Variants in GRM8 observed in about 807,000 individuals in gnomAD.
GRM8 encodes glutamate metabotropic receptor 8.
GRM8 carries 47 observed loss-of-function variants against 87.2 expected under a neutral mutation model. That is an observed-to-expected ratio of 0.54 (90% CI 0.43 to 0.69). The LOEUF is 0.69. Among genes scored for constraint, GRM8 ranks in the 30% least tolerant of loss-of-function variants. The probability of loss-of-function intolerance (pLI) is 0.00; values close to 1 mark genes in which losing one functional copy is unlikely to be tolerated. For synonymous variants in GRM8, 396 were observed against 404.5 expected (o/e 0.98, Z 0.25); for missense variants, 1,019 against 1,139.2 (o/e 0.89, Z 1.52).
At chr7:127,090,654 T>C (rs1181062438) in intron 3 of GRM8, among the ~76,000 whole-genome samples, 1 of 152,196 alleles carries the variant, frequency 6.6e-6, no homozygotes, top group Admixed American at 6.5e-5. Context: ...GTTTCCCAAC[T>C]GAAACCTGTC....
chr7:127,046,821 T>C (rs1307051631), intron 3 of GRM8, among the ~76,000 whole-genome samples: 1 of 152,196 alleles, frequency 6.6e-6, no homozygotes, highest in Admixed American at 6.5e-5. Context: ...AACAATATCA[T>C]GATAAATGGA....
intron 3 of GRM8, among the ~76,000 whole-genome samples, chr7:127,048,721 A>T (rs1369593290): frequency 2.0e-5 from 3 of 152,210 alleles, no homozygotes; most frequent in African/African-American, 7.2e-5. Context: ...TTGGTATCTG[A>T]AGTTAGACTA....
intron 3 of GRM8, among the ~76,000 whole-genome samples, chr7:127,105,136 T>C (rs1028846658): frequency 6.6e-6 from 1 of 152,228 alleles, no homozygotes; most frequent in African/African-American, 2.4e-5. Context: ...TGTTTTCATT[T>C]GAGTGGGCAT....
At chr7:126,806,369 G>C (rs954877694) in intron 6 of GRM8, among the ~76,000 whole-genome samples, 1 of 152,216 alleles carries the variant, frequency 6.6e-6, no homozygotes. Context: ...AAGCTGGCAC[G>C]GACACAGAGT....
At chr7:127,222,584 C>T (rs1269486468) in intron 2 of GRM8, among the ~76,000 whole-genome samples, 1 of 152,180 alleles carries the variant, frequency 6.6e-6, no homozygotes, top group Non-Finnish European at 1.5e-5. Flanking sequence ...CATAAAACAG[C>T]ATCCTAGAAA....
At position 127,224,987 on chromosome 7, in the gene GRM8, G is replaced by A. The variant is rs565419315; in HGVS notation, c.510+17708C>T. The stretch of plus-strand genomic sequence containing the variant: ...TAGTAGGCAATGATAAATCATGTAT[G>A]TCTACATGTTTAAAAAGCCATGTCA... On this transcript the variant is annotated intron_variant, in intron 2 of 10. Transcript: ENST00000339582. 9.6e-4 allele frequency among the ~76,000 whole-genome samples: 146 copies of A among 152,254 alleles called. 1 individual carries two copies. Among genetic ancestry groups the A allele is most frequent in the Middle Eastern group, 6.8e-3 (2 of 294 alleles).
chr7:127,123,579 T>C (rs1326731980), intron 2 of GRM8, among the ~76,000 whole-genome samples: 1 of 152,130 alleles, frequency 6.6e-6, no homozygotes, highest in African/African-American at 2.4e-5. Flanking sequence ...TCTTAAACTT[T>C]CCAGCCATCA....
At chr7:126,986,583 T>G (rs894567018) in intron 3 of GRM8, among the ~76,000 whole-genome samples, 1 of 152,238 alleles carries the variant, frequency 6.6e-6, no homozygotes, top group Non-Finnish European at 1.5e-5. Flanking sequence ...TACTCAGACC[T>G]CTTGAAAAAT....
intron 9 of GRM8, among the ~76,000 whole-genome samples, chr7:126,452,901 C>G (rs1164209647): frequency 6.6e-6 from 1 of 151,704 alleles, no homozygotes; most frequent in East Asian, 1.9e-4. Flanking sequence ...CATATATACA[C>G]AGTGGCACAG....
intron 2 of GRM8, among the ~76,000 whole-genome samples, chr7:127,203,358 A>G (rs1373229700): frequency 2.0e-5 from 3 of 152,148 alleles, no homozygotes; most frequent in African/African-American, 7.2e-5. Flanking sequence ...ATCACACTCA[A>G]AACTCAGCAT....
intron 8 of GRM8, among the ~76,000 whole-genome samples, chr7:126,605,321 T>G (rs771933653): frequency 2.6e-5 from 4 of 152,188 alleles, no homozygotes; most frequent in Non-Finnish European, 4.4e-5. Context: ...ACATGCCTCA[T>G]GTGTGGGCCG....
chr7:126,794,732 A>G (rs1821772144), intron 6 of GRM8, among the ~76,000 whole-genome samples: 1 of 152,186 alleles, frequency 6.6e-6, no homozygotes, highest in African/African-American at 2.4e-5. Context: ...TGGTTCACAC[A>G]CCTGTAACTA....
intron 9 of GRM8, among the ~76,000 whole-genome samples, chr7:126,490,632 C>T (rs904045708): frequency 6.6e-6 from 1 of 151,930 alleles, no homozygotes; most frequent in Non-Finnish European, 1.5e-5. Context: ...AGAGTGGAGG[C>T]CCCATGGACT....
intron 7 of GRM8, among the ~76,000 whole-genome samples, chr7:126,734,134 A>G (rs1290538706): frequency 6.6e-6 from 1 of 152,022 alleles, no homozygotes; most frequent in Non-Finnish European, 1.5e-5. Context: ...CCAGAACTAC[A>G]TTAAAAATTA....
chr7:126,669,468 TAATCTTTAAGAAATAA>T (rs1359267441), intron 7 of GRM8, among the ~76,000 whole-genome samples: 1 of 152,232 alleles, frequency 6.6e-6, no homozygotes, highest in Non-Finnish European at 1.5e-5. Context: ...CATGTGACTT[TAATCTTTAAGAAATAA>T]AAACACCCCT....
rs555571732 is a variant in GRM8 at position 126,493,563 on chromosome 7, G to C, written c.2430+39389C>G. Among the ~76,000 whole-genome samples the C allele has an allele frequency of 4.6e-5, 7 of 152,132 alleles. No homozygotes were observed. The South Asian group carries it at 1.4e-3, about 32-fold the overall frequency. Reference sequence around the variant, plus strand: ...AAATTCTATGGCAACCACTATGTGAGAAGAAAATGAGTAGCTGTATGCAAT... The same window carrying C: ...AAATTCTATGGCAACCACTATGTGACAAGAAAATGAGTAGCTGTATGCAAT... On this transcript the variant is annotated intron_variant, in intron 9 of 10. Transcript: ENST00000339582.
intron 2 of GRM8, among the ~76,000 whole-genome samples, chr7:127,160,247 T>A (rs1284674096): frequency 6.6e-6 from 1 of 152,132 alleles, no homozygotes; most frequent in Non-Finnish European, 1.5e-5. Context: ...ATTAGTGAGT[T>A]TACCAAATTC....
At chr7:127,185,771 C>T (rs2116445998) in intron 2 of GRM8, among the ~76,000 whole-genome samples, 1 of 152,216 alleles carries the variant, frequency 6.6e-6, no homozygotes, top group Middle Eastern at 3.4e-3. Context: ...AATGTAGTAT[C>T]CAAGAAATAG....
chr7:126,626,464 A>G (rs959271991), intron 7 of GRM8, among the ~76,000 whole-genome samples: 6 of 151,956 alleles, frequency 3.9e-5, no homozygotes, highest in African/African-American at 1.4e-4. Context: ...ATTGGTAGCC[A>G]TTTTTTCAGT....
Sources: allele counts gnomAD v4.1 joint callset (sites outside exome capture counted in the v4.1 genomes callset), GRCh38; gene constraint gnomAD v4.1.1; transcripts MANE v1.5; gene names NCBI Gene and HGNC (gene_info 2026-07-23, HGNC 2026-07-21).